The following NFYC variants were observed in gnomAD, a reference collection of about 807,000 sequenced individuals.
NFYC encodes nuclear transcription factor Y subunit gamma.
A neutral mutation model predicts 53.1 loss-of-function variants in NFYC; 25 were observed. The observed-to-expected ratio is 0.47, with a 90% CI of 0.34 to 0.66. The LOEUF is 0.66. Ranked by LOEUF, NFYC falls within the 30% of genes least tolerant of loss-of-function variation. The probability of loss-of-function intolerance (pLI) is 0.01; values close to 1 mark genes in which losing one functional copy is unlikely to be tolerated. For synonymous variants in NFYC, 145 were observed against 152.6 expected (o/e 0.95, Z 0.37); for missense variants, 260 against 422.7 (o/e 0.62, Z 3.38).
chr1:40,758,470 C>G, intron 6 of NFYC, 176 bp downstream of exon 6: 2 of 656,978 alleles, frequency 3.0e-6, no homozygotes, highest in Non-Finnish European at 4.9e-6. Flanking sequence ...TTACCCTAAT[C>G]TCTCTGGACC....
intron 4 of NFYC, among the ~76,000 whole-genome samples, chr1:40,752,315 T>C (rs537919280): frequency 6.6e-6 from 1 of 152,352 alleles, no homozygotes; most frequent in East Asian, 1.9e-4. Flanking sequence ...TATCATTCAC[T>C]AGCGTTCAGT....
In NFYC at chr1:40,697,260, C is replaced by G. The variant is rs151155615; in HGVS notation, c.-9+5393C>G. Among the ~76,000 whole-genome samples, 8 of 152,294 alleles carry G rather than the reference C, an allele frequency of 5.3e-5. No individual in the cohort carries two copies. In the East Asian group the frequency reaches 9.6e-4, roughly 18 times the overall value. On this transcript the variant is annotated intron_variant, in intron 1 of 9. Transcript: ENST00000447388. ...AACAGCATGAAATCTGTCCTTTCAGCCCGTTACAGCTTCCTTGATGAGGAG... is the reference window on the plus strand; with the variant it reads ...AACAGCATGAAATCTGTCCTTTCAGGCCGTTACAGCTTCCTTGATGAGGAG...
At chr1:40,720,349 A>G (rs775613165) in intron 1 of NFYC, among the ~76,000 whole-genome samples, 1 of 152,140 alleles carries the variant, frequency 6.6e-6, no homozygotes, top group Non-Finnish European at 1.5e-5. Context: ...TTTTAGATGT[A>G]TTAAGTCACC....
chr1:40,761,331 T>C (rs1646534726), intron 6 of NFYC, among the ~76,000 whole-genome samples: 1 of 152,242 alleles, frequency 6.6e-6, no homozygotes, highest in South Asian at 2.1e-4. Flanking sequence ...ACCATCCTGC[T>C]GCTTCAGGGT....
intron 1 of NFYC, among the ~76,000 whole-genome samples, chr1:40,711,374 T>G (rs905840636): frequency 2.0e-5 from 3 of 152,370 alleles, no homozygotes; most frequent in African/African-American, 7.2e-5. Flanking sequence ...TTATATGTTA[T>G]CAGTTGTTCC....
rs1242308857 is a variant in NFYC, at chr1:40,771,012, T to G, written c.*184T>G. 6 of 623,190 alleles carry G rather than the reference T, an allele frequency of 9.6e-6. No homozygotes were observed. The highest frequency in any genetic ancestry group is 1.8e-5 in the African/African-American group (1 of 54,342). The allele number at this position is 623,190 out of a possible 1,614,324, so 38.6% of individuals were successfully genotyped here. A position where few individuals can be genotyped will look rare whatever the true frequency, so the allele number is the denominator to read the frequency against. ...TCTCCAGCAGAAAGATGCAATATTT[T>G]TTGTTTCCTTTTTTTCCATTTTTTT... On this transcript the variant is annotated 3_prime_UTR_variant, in exon 10 of 10. Coordinates refer to ENST00000447388, the MANE Select transcript of NFYC (RefSeq NM_014223.5).
intron 1 of NFYC, among the ~76,000 whole-genome samples, chr1:40,719,218 A>G (rs1281470900): frequency 1.3e-5 from 2 of 152,224 alleles, no homozygotes; most frequent in Admixed American, 1.3e-4. Context: ...GCTATGATTT[A>G]TAATCCTTGC....
At chr1:40,767,253 C>T (rs1245196684) in intron 8 of NFYC, 2 of 417,330 alleles carry the variant, frequency 4.8e-6, no homozygotes, top group Non-Finnish European at 8.9e-6. Context: ...GTATTACTTG[C>T]AGAAGATGGG....
In NFYC at chr1:40,699,688, C is replaced by CT. The variant is rs1228499531; in HGVS notation, c.-9+7822dup. On this transcript the variant is annotated intron_variant, in intron 1 of 9. Coordinates refer to ENST00000447388, the MANE Select transcript of NFYC (RefSeq NM_014223.5). The stretch of plus-strand genomic sequence containing the variant: ...AAAACGCCATAATGTGTGTAAAACT[C>CT]TAACCATTTTGGAAGGTTATCAGAA... Among the ~76,000 whole-genome samples, 3 of 152,206 alleles carry CT rather than the reference C, an allele frequency of 2.0e-5. No individual in the cohort carries two copies. The East Asian group carries it at 5.8e-4, about 29-fold the overall frequency.
chr1:40,759,567 G>GTGTGTGTGTGTA (rs777046540), intron 6 of NFYC, among the ~76,000 whole-genome samples: 1 of 151,072 alleles, frequency 6.6e-6, no homozygotes, highest in African/African-American at 2.4e-5. Context: ...ATATGTGTGT[G>GTGTGTGTGTGTA]TGTGTGTGTA....
intron 1 of NFYC, among the ~76,000 whole-genome samples, chr1:40,734,385 T>TGGA (rs1644920181): frequency 6.7e-6 from 1 of 148,870 alleles, no homozygotes; most frequent in South Asian, 2.1e-4. Context: ...TATTTTGAGA[T>TGGA]GGAGTCTTGC....
intron 1 of NFYC, among the ~76,000 whole-genome samples, chr1:40,719,464 C>T (rs1644256458): frequency 6.6e-6 from 1 of 152,184 alleles, no homozygotes; most frequent in Admixed American, 6.5e-5. Context: ...AGTGACTTCC[C>T]ATCACCAGGC....
At chr1:40,739,702 A>G (rs549851219) in intron 2 of NFYC, among the ~76,000 whole-genome samples, 2 of 152,342 alleles carry the variant, frequency 1.3e-5, no homozygotes, top group South Asian at 4.1e-4. Context: ...GTCAGTAGGT[A>G]TTTACTAAGT....
chr1:40,720,517 AT>A (rs11333420), intron 1 of NFYC, among the ~76,000 whole-genome samples: 97,868 of 151,868 alleles, frequency 0.64, 31,713 homozygotes, highest in African/African-American at 0.68. Flanking sequence ...TTAAGAAGGA[AT>A]TTTCCCATTT....
chr1:40,706,910 C>A (rs1238754307), intron 1 of NFYC, among the ~76,000 whole-genome samples: 1 of 152,156 alleles, frequency 6.6e-6, no homozygotes, highest in Non-Finnish European at 1.5e-5. Context: ...TGGCTCATGC[C>A]TGTAATCCCA....
Position 40,770,994 on chromosome 1 carries a change from C to T in NFYC, c.*166C>T, listed in dbSNP as rs1313339953. 4.6e-6 allele frequency: 3 copies of T among 650,644 alleles called. No individual in the cohort carries two copies. Among genetic ancestry groups the T allele is most frequent in the South Asian group, 3.9e-5 (2 of 50,846 alleles). The allele number at this position is 650,644 out of a possible 1,614,324, so 40.3% of individuals were successfully genotyped here. A position where few individuals can be genotyped will look rare whatever the true frequency, so the allele number is the denominator to read the frequency against. ...ATGCCTGGGGGCCGAGATTCTCCAG[C>T]AGAAAGATGCAATATTTTTTGTTTC... On this transcript the variant is annotated 3_prime_UTR_variant, in exon 10 of 10. Transcript: ENST00000447388. This position sits in a 1 kb window ranked among gnomAD's most constrained non-coding sequence, Gnocchi z 5.3.
Position 40,738,864 on chromosome 1 carries a change from T to TG in NFYC, c.23dup (p.Gly9TrpfsTer3). On this transcript the variant is annotated frameshift_variant, in exon 2 of 10. Coordinates refer to ENST00000447388, the MANE Select transcript of NFYC (RefSeq NM_014223.5). LOFTEE classifies it high-confidence loss of function. Reference sequence around the variant, plus strand: ...TCGAGATGTCCACAGAAGGAGGATTTGGTGGTACTAGCAGCAGTGATGCCC... The same window carrying TG: ...TCGAGATGTCCACAGAAGGAGGATTTGGGTGGTACTAGCAGCAGTGATGCCC... 1 of 1,614,098 alleles carries TG rather than the reference T, an allele frequency of 6.2e-7. No homozygotes were observed. Among genetic ancestry groups the TG allele is most frequent in the Non-Finnish European group, 8.5e-7 (1 of 1,179,926 alleles).
chr1:40,696,764 T>A (rs1440396342), intron 1 of NFYC, among the ~76,000 whole-genome samples: 3 of 152,246 alleles, frequency 2.0e-5, no homozygotes, highest in Non-Finnish European at 4.4e-5. Context: ...GCCAGTAAGT[T>A]GTTCTTTTCC....
intron 5 of NFYC, among the ~76,000 whole-genome samples, chr1:40,754,748 G>C (rs767067883): frequency 2.0e-5 from 3 of 152,014 alleles, no homozygotes; most frequent in Non-Finnish European, 4.4e-5. Flanking sequence ...GAATACACTG[G>C]CTGGAGAGAA....
Sources: gnomAD v4.1 joint callset for allele counts (sites outside exome capture counted in the v4.1 genomes callset) on GRCh38, gnomAD v4.1.1 for gene constraint, Gnocchi (gnomAD v3.1) non-coding constraint, MANE v1.5 for transcripts, NCBI Gene and HGNC (gene_info 2026-07-23, HGNC 2026-07-21) for gene names.